NBPF20: variants seen among roughly 807,000 people sequenced by gnomAD.
NBPF20 encodes the protein NBPF member 20.
Under a neutral mutation model 68.1 loss-of-function variants are expected in NBPF20, and 90 were observed. That is an observed-to-expected ratio of 1.32 (90% CI 1.11 to 1.58). NBPF20 has a LOEUF of 1.58. NBPF20 is among the 40% of genes most tolerant of loss of function. The pLI is 0.00. For missense variants in NBPF20, 816 were observed against 601.2 expected, an observed-to-expected ratio of 1.36 and a Z score of -3.74; for synonymous variants, 290 against 228.1, an observed-to-expected ratio of 1.27 and a Z score of -2.45.
At position 145,403,081 on chromosome 1, in the gene NBPF20, A is replaced by G. The variant is rs1283863847; in HGVS notation, c.278+135T>C. ...CTTCTTCTCTGTTTGATAAATATTT[A>G]TGTGTAGCGAGCCTGCCATGGCAAT... is the stretch of plus-strand genomic sequence containing the variant. On this transcript the variant is annotated intron_variant, in intron 3 of 137. Transcript: ENST00000369373. 8.1e-5 allele frequency: 78 copies of G among 967,002 alleles called. No individual in the cohort carries two copies. In the African/African-American group the frequency reaches 9.0e-4, roughly 11 times the overall value. 59.9% of individuals were successfully genotyped at this position (967,002 alleles called of 1,614,324 possible). A position where few individuals can be genotyped will look rare whatever the true frequency, so the allele number is the denominator to read the frequency against.
chr1:145,407,429 G>A (rs181292557), upstream of NBPF20, among the ~76,000 whole-genome samples: 400 of 141,078 alleles, frequency 2.8e-3, 5 homozygotes, highest in Non-Finnish European at 3.2e-3. Flanking sequence ...ATGTATACAC[G>A]TATACATGTA....
the NBPF20 span, among the ~76,000 whole-genome samples, chr1:145,411,386 CCT>C: frequency 2.9e-5 from 4 of 138,870 alleles, no homozygotes; most frequent in Non-Finnish European, 6.2e-5. Flanking sequence ...TGTTGACTTT[CCT>C]TTTTTTTTTT....
At position 145,402,523 on chromosome 1, in the gene NBPF20, C is replaced by T. The variant is rs1308091018; in HGVS notation, c.279-142G>A. 2.6e-5 allele frequency: 19 copies of T among 734,792 alleles called. No individual in the cohort carries two copies. In the African/African-American group the frequency reaches 3.3e-4, roughly 13 times the overall value. The allele number at this position is 734,792 out of a possible 1,614,324, so 45.5% of individuals were successfully genotyped here. ...CACATGTTTAAAGGAATGTCTGTGGCCAAGAGAAAGAATAGAAAATGGTTT... is the reference window on the plus strand; with the variant it reads ...CACATGTTTAAAGGAATGTCTGTGGTCAAGAGAAAGAATAGAAAATGGTTT... On this transcript the variant is annotated intron_variant, in intron 3 of 137. Transcript: ENST00000369373.
upstream of NBPF20, among the ~76,000 whole-genome samples, chr1:145,406,353 T>G (rs375084654): frequency 0.011 from 1,731 of 150,690 alleles, 15 homozygotes; most frequent in Non-Finnish European, 0.018. Flanking sequence ...CACACAATTT[T>G]ATATCCATTT....
intron 2 of NBPF20, among the ~76,000 whole-genome samples, chr1:145,404,487 G>A (rs879995786): frequency 6.6e-6 from 1 of 152,064 alleles, no homozygotes; most frequent in African/African-American, 2.4e-5. Flanking sequence ...TCAAACTCCT[G>A]ACCTCGTGCT....
chr1:145,340,793 C>A (rs1661599212), exon 76 of NBPF20: 3 of 144,138 alleles, frequency 2.1e-5, no homozygotes, highest in East Asian at 1.1e-4. Context: ...CAAGCCAACA[C>A]GCTGTTGCTC....
At chr1:145,398,527 A>T (rs1662684354) in intron 7 of NBPF20, among the ~76,000 whole-genome samples, 1 of 152,210 alleles carries the variant, frequency 6.6e-6, no homozygotes, top group South Asian at 2.1e-4. Flanking sequence ...CTTTGAAACC[A>T]ATGAGAACAA....
chr1:145,404,791 A>T (rs1286824515), intron 2 of NBPF20, among the ~76,000 whole-genome samples: 1 of 151,660 alleles, frequency 6.6e-6, no homozygotes, highest in African/African-American at 2.4e-5. Context: ...AGGATCTTAT[A>T]TGGTACAGAG....
At chr1:145,414,995 C>T in the NBPF20 span, among the ~76,000 whole-genome samples, 4 of 152,114 alleles carry the variant, frequency 2.6e-5, no homozygotes, top group Non-Finnish European at 4.4e-5. Context: ...AGGGGACCGG[C>T]GTTCAGCATA....
chr1:145,397,733 A>T (rs1275970579), intron 7 of NBPF20, among the ~76,000 whole-genome samples: 1 of 152,168 alleles, frequency 6.6e-6, no homozygotes, highest in Non-Finnish European at 1.5e-5. Context: ...CACACATAAC[A>T]ATATTAACCT....
exon 138 of NBPF20, chr1:145,291,592 C>A (rs1220847190): frequency 1.9e-5 from 30 of 1,611,870 alleles, no homozygotes; most frequent in Non-Finnish European, 2.2e-5. Context: ...AAGTAAAAAA[C>A]CTATTGTCCA....
chr1:145,410,564 C>G (rs1399737957), upstream of NBPF20, among the ~76,000 whole-genome samples: 2 of 150,850 alleles, frequency 1.3e-5, no homozygotes, highest in East Asian at 3.9e-4. Flanking sequence ...CCGCCCGCCT[C>G]GGCCTCCCAA....
the NBPF20 span, among the ~76,000 whole-genome samples, chr1:145,412,600 G>C: frequency 3.2e-4 from 48 of 151,388 alleles, no homozygotes; most frequent in Admixed American, 1.7e-3. Context: ...GAAAATTGTT[G>C]AACAAGGGAC....
chr1:145,400,547 T>G, exon 6 of NBPF20: 1 of 1,612,702 alleles, frequency 6.2e-7, no homozygotes, highest in East Asian at 2.2e-5. Context: ...GGCACATTCC[T>G]CCTGTGAGTC....
rs781859863 is a variant in NBPF20, at chr1:145,291,817, C to T, written c.16698-48G>A. The T allele has an allele frequency of 8.1e-6, 13 of 1,611,708 alleles. No homozygotes were observed. In the South Asian group the frequency reaches 1.3e-4, roughly 16 times the overall value. On this transcript the variant is annotated intron_variant, in intron 137 of 137. Transcript: ENST00000369373. ...AGAAGCAGCCAGGGAAAATCAGAAA[C>T]CACAGAGCCCCACTAGATTTCAGAA...
chr1:145,423,655 A>T, the NBPF20 span, among the ~76,000 whole-genome samples: 99 of 152,058 alleles, frequency 6.5e-4, 1 homozygote, highest in Non-Finnish European at 1.3e-3. Context: ...AAAAGAGGAC[A>T]CACAAATGAC....
At position 145,401,146 on chromosome 1, in the gene NBPF20, G is replaced by T; in HGVS notation, c.494-15C>A. On this transcript the variant is annotated splice_polypyrimidine_tract_variant and intron_variant, in intron 4 of 137. Coordinates refer to ENST00000369373, the Ensembl canonical transcript of NBPF20. ...GTTGTCATTTTCTGTAAATACAGAA[G>T]TGTTCGTTCAGATATTTCCCACTTC... The T allele has an allele frequency of 1.2e-6, 2 of 1,600,676 alleles. No individual in the cohort carries two copies. Among genetic ancestry groups the T allele is most frequent in the Non-Finnish European group, 1.7e-6 (2 of 1,177,404 alleles).
exon 2 of NBPF20, chr1:145,405,159 G>A: frequency 6.2e-7 from 1 of 1,613,678 alleles, no homozygotes; most frequent in African/African-American, 1.3e-5. Flanking sequence ...ATCTCTCTTT[G>A]AGGTTTCCGA....
intron 133 of NBPF20, 21 bp from the exon 139 acceptor site, chr1:145,294,975 AAAG>A (rs1661260908): frequency 5.6e-6 from 2 of 358,930 alleles, no homozygotes; most frequent in Non-Finnish European, 9.2e-6. Flanking sequence ...AGGAAAAAGT[AAAG>A]AATAAGCCAG....
Sources: allele counts gnomAD v4.1 joint callset (sites outside exome capture counted in the v4.1 genomes callset), GRCh38; gene constraint gnomAD v4.1.1; transcripts MANE v1.5; gene names NCBI Gene and HGNC (gene_info 2026-07-23, HGNC 2026-07-21).